LHFPL3: variants seen among roughly 807,000 people sequenced by gnomAD.
The protein encoded by LHFPL3 is LHFPL tetraspan subfamily member 3 protein.
In LHFPL3, 5 loss-of-function variants were observed where a neutral mutation model predicts 19.3. The ratio of observed to expected loss-of-function variants is 0.26; its 90% CI spans 0.14 to 0.54. The LOEUF (loss-of-function observed/expected upper bound fraction) is 0.54, where lower values mean the gene tolerates loss of function less well. Ranked by LOEUF, LHFPL3 falls within the 20% of genes least tolerant of loss-of-function variation. The pLI, the probability that LHFPL3 is intolerant of heterozygous loss-of-function variation, is 0.94. For synonymous variants in LHFPL3, 133 were observed against 126.2 expected (o/e 1.05, Z -0.36); for missense variants, 249 against 307.4 (o/e 0.81, Z 1.42).
rs180681054 is a variant in LHFPL3 at position 104,733,712 on chromosome 7, C to T, written c.446-2963C>T. On this transcript the variant is annotated intron_variant, in intron 1 of 2. Coordinates refer to ENST00000424859, the MANE Select transcript of LHFPL3 (RefSeq NM_199000.3). ...TGTGTCTTTTAATTGGAGGATTTAG[C>T]CCATTTACATCTAAGACTAATATTG... 6.6e-4 allele frequency among the ~76,000 whole-genome samples: 100 copies of T among 152,250 alleles called. 1 individual carries two copies. The highest frequency in any genetic ancestry group is 1.2e-3 in the Non-Finnish European group (80 of 68,006).
At chr7:104,651,116 G>C (rs932560478) in intron 1 of LHFPL3, among the ~76,000 whole-genome samples, 3 of 152,194 alleles carry the variant, frequency 2.0e-5, no homozygotes, top group African/African-American at 7.2e-5. Flanking sequence ...GGGTGGATTT[G>C]AGCCAAACCA....
intron 1 of LHFPL3, among the ~76,000 whole-genome samples, chr7:104,562,717 G>C (rs1790033175): frequency 6.6e-6 from 1 of 151,936 alleles, no homozygotes; most frequent in Admixed American, 6.5e-5. Flanking sequence ...TTGTTCCATT[G>C]CTGGTGAGGA....
intron 1 of LHFPL3, among the ~76,000 whole-genome samples, chr7:104,596,362 C>G (rs186076318): frequency 1.3e-5 from 2 of 152,320 alleles, no homozygotes; most frequent in African/African-American, 4.8e-5. Flanking sequence ...ACAAATCATA[C>G]AAGCCTTCTT....
intron 2 of LHFPL3, among the ~76,000 whole-genome samples, chr7:104,868,769 T>A (rs1445570447): frequency 6.6e-6 from 1 of 152,142 alleles, no homozygotes; most frequent in Non-Finnish European, 1.5e-5. Flanking sequence ...CATTGCCAAG[T>A]CAATCCTAAC....
chr7:104,746,064 A>C (rs1480128753), intron 2 of LHFPL3, among the ~76,000 whole-genome samples: 3 of 152,150 alleles, frequency 2.0e-5, no homozygotes, highest in Non-Finnish European at 4.4e-5. Context: ...TAATCCCAGC[A>C]CTTAAGGAGG....
intron 1 of LHFPL3, among the ~76,000 whole-genome samples, chr7:104,469,027 C>G (rs1792852257): frequency 6.6e-6 from 1 of 152,152 alleles, no homozygotes; most frequent in Non-Finnish European, 1.5e-5. Context: ...ATTCACTCAG[C>G]TCTGGTGTCG....
At chr7:104,626,942 G>T (rs1791556561) in intron 1 of LHFPL3, among the ~76,000 whole-genome samples, 1 of 152,062 alleles carries the variant, frequency 6.6e-6, no homozygotes, top group South Asian at 2.1e-4. Flanking sequence ...GCTAAATAAA[G>T]CTAATTAACA....
intron 2 of LHFPL3, among the ~76,000 whole-genome samples, chr7:104,834,812 T>C (rs964665718): frequency 6.6e-6 from 1 of 152,002 alleles, no homozygotes; most frequent in African/African-American, 2.4e-5. Flanking sequence ...ATTCCTTTAA[T>C]AGTACTCTAT....
intron 1 of LHFPL3, among the ~76,000 whole-genome samples, chr7:104,345,203 C>T (rs540850958): frequency 1.0e-3 from 157 of 152,264 alleles, no homozygotes; most frequent in Non-Finnish European, 1.5e-3. Context: ...CATAAAGCTG[C>T]TCCTAATATA....
chr7:104,699,869 A>C (rs1793069036), intron 1 of LHFPL3, among the ~76,000 whole-genome samples: 1 of 152,156 alleles, frequency 6.6e-6, no homozygotes, highest in Non-Finnish European at 1.5e-5. Flanking sequence ...TACTGCCTCC[A>C]GCATTGTAAT....
chr7:104,505,112 C>T (rs1476417738), intron 1 of LHFPL3, among the ~76,000 whole-genome samples: 1 of 152,216 alleles, frequency 6.6e-6, no homozygotes, highest in Non-Finnish European at 1.5e-5. Context: ...AACTCTTCAT[C>T]ATTTACAGTT....
At chr7:104,515,890 T>C (rs1218419223) in intron 1 of LHFPL3, among the ~76,000 whole-genome samples, 1 of 152,048 alleles carries the variant, frequency 6.6e-6, no homozygotes, top group Non-Finnish European at 1.5e-5. Context: ...TTTCCCACAT[T>C]TTCCTTTCTT....
chr7:104,766,585 G>A (rs948942744), intron 2 of LHFPL3, among the ~76,000 whole-genome samples: 6 of 152,088 alleles, frequency 3.9e-5, no homozygotes, highest in South Asian at 2.1e-4. Context: ...GGAGATTTTC[G>A]TCTTCCTCCC....
At chr7:104,868,633 G>A (rs990974367) in intron 2 of LHFPL3, among the ~76,000 whole-genome samples, 3 of 151,880 alleles carry the variant, frequency 2.0e-5, no homozygotes, top group Non-Finnish European at 2.9e-5. Context: ...TCAATATCGT[G>A]AAAATGGCCA....
At chr7:104,683,021 G>T (rs1792737924) in intron 1 of LHFPL3, among the ~76,000 whole-genome samples, 1 of 152,068 alleles carries the variant, frequency 6.6e-6, no homozygotes, top group African/African-American at 2.4e-5. Context: ...ATGAAGTCTT[G>T]TTCTGTTGCC....
At chr7:104,608,649 T>C (rs1482807669) in intron 1 of LHFPL3, among the ~76,000 whole-genome samples, 1 of 151,640 alleles carries the variant, frequency 6.6e-6, no homozygotes, top group Non-Finnish European at 1.5e-5. Context: ...AGTATAATAA[T>C]AATAATAATA....
intron 2 of LHFPL3, among the ~76,000 whole-genome samples, chr7:104,753,349 C>G (rs1320326700): frequency 6.6e-6 from 1 of 152,168 alleles, no homozygotes; most frequent in Non-Finnish European, 1.5e-5. Context: ...TGGACCTACT[C>G]TTTAAAGCTT....
intron 1 of LHFPL3, among the ~76,000 whole-genome samples, chr7:104,380,863 A>C (rs551990767): frequency 2.0e-5 from 3 of 152,274 alleles, no homozygotes; most frequent in East Asian, 3.9e-4. Flanking sequence ...ACAACAACAA[A>C]AAGCAAGAAA....
intron 2 of LHFPL3, among the ~76,000 whole-genome samples, chr7:104,873,325 T>G (rs1241901237): frequency 6.6e-6 from 1 of 152,114 alleles, no homozygotes; most frequent in African/African-American, 2.4e-5. Context: ...AAACATGTGG[T>G]TAGTAAGATT....
Sources: gnomAD v4.1 joint callset for allele counts (sites outside exome capture counted in the v4.1 genomes callset) on GRCh38, gnomAD v4.1.1 for gene constraint, MANE v1.5 for transcripts, NCBI Gene and HGNC (gene_info 2026-07-23, HGNC 2026-07-21) for gene names.